The following SYDE2 variants were observed in gnomAD, a reference collection of about 807,000 sequenced individuals.
SYDE2 encodes rho GTPase-activating protein SYDE2.
A neutral mutation model predicts 91.5 loss-of-function variants in SYDE2; 76 were observed. The ratio of observed to expected loss-of-function variants is 0.83; its 90% CI spans 0.69 to 1.01. The LOEUF (loss-of-function observed/expected upper bound fraction) is 1.01, where lower values mean the gene tolerates loss of function less well. Among genes scored for constraint, SYDE2 ranks in the 50% least tolerant of loss-of-function variants. The pLI is 0.00. For synonymous variants in SYDE2, 513 were observed against 506.4 expected (o/e 1.01, Z -0.18); for missense variants, 1,364 against 1,367.7 (o/e 1.00, Z 0.04).
In SYDE2 at chr1:85,168,925, G is replaced by C. The variant is rs1471413339; in HGVS notation, c.2853+119C>G. 8 of 872,950 alleles carry C rather than the reference G, an allele frequency of 9.2e-6. No individual in the cohort carries two copies. The Admixed American group carries it at 2.0e-4, about 22-fold the overall frequency. 54.1% of individuals were successfully genotyped at this position (872,950 alleles called of 1,614,324 possible). A position where few individuals can be genotyped will look rare whatever the true frequency, so the allele number is the denominator to read the frequency against. ...AGGCTGTTTAAAGGCAGTAATGGCA[G>C]AGCTTTTAAATCCATGAGTGCCACA... On this transcript the variant is annotated intron_variant, in intron 5 of 6. Coordinates refer to ENST00000341460, the MANE Select transcript of SYDE2 (RefSeq NM_032184.2).
intron 2 of SYDE2, among the ~76,000 whole-genome samples, chr1:85,189,162 T>G (rs543565813): frequency 6.6e-6 from 1 of 152,340 alleles, no homozygotes; most frequent in Non-Finnish European, 1.5e-5. Context: ...AATTATTTCA[T>G]TTTTAGGTTC....
At chr1:85,155,490 TA>T (rs374745850), downstream of SYDE2, among the ~76,000 whole-genome samples, 1 of 151,510 alleles carries the variant, frequency 6.6e-6, no homozygotes, top group Non-Finnish European at 1.5e-5. Context: ...AGATTTTTTT[TA>T]AAAAAAAAGA....
intron 1 of SYDE2, among the ~76,000 whole-genome samples, chr1:85,199,930 C>G (rs1658746118): frequency 6.6e-6 from 1 of 152,006 alleles, no homozygotes; most frequent in Non-Finnish European, 1.5e-5. Context: ...CATCTGTAAA[C>G]CTACTAAAAG....
At chr1:85,152,654 T>TA (rs984523982), downstream of SYDE2, 9 of 152,214 alleles carry the variant, frequency 5.9e-5, no homozygotes, top group Non-Finnish European at 1.3e-4. Context: ...GCTTCTATGT[T>TA]ATAGTCCCTA....
Position 85,183,183 on chromosome 1 carries a change from C to G in SYDE2, c.1459G>C (p.Ala487Pro). Residue 487 changes from alanine to proline, a missense_variant, in exon 3 of 7, where the codon GCT becomes CCT. Ala to Pro is a conservative substitution (Grantham distance 27, BLOSUM62 -1). Transcript: ENST00000341460. ...SPFAGSGILA[A>P]TNSTELGIME... ...ATTCCCAATTCAGTACTATTTGTAG[C>G]AGCCAGGATCCCAGAACCTTAAAAG... is the stretch of plus-strand genomic sequence containing the variant. The G allele has an allele frequency of 6.4e-7, 1 of 1,564,924 alleles. No individual in the cohort carries two copies.
At chr1:85,175,320 T>G (rs1657655408) in intron 4 of SYDE2, among the ~76,000 whole-genome samples, 1 of 152,250 alleles carries the variant, frequency 6.6e-6, no homozygotes, top group Middle Eastern at 3.4e-3. Flanking sequence ...GGCAACACGG[T>G]GAAACCCTGT....
downstream of SYDE2, among the ~76,000 whole-genome samples, chr1:85,155,490 T>TAAA (rs374745850): frequency 1.3e-4 from 20 of 151,512 alleles, no homozygotes; most frequent in Non-Finnish European, 2.5e-4. Flanking sequence ...AGATTTTTTT[T>TAAA]AAAAAAAAAG....
At chr1:85,160,983 T>C (rs1164754704) in intron 6 of SYDE2, 2 of 981,506 alleles carry the variant, frequency 2.0e-6, no homozygotes. Context: ...AAAATTTCAA[T>C]TTCTGAAAAA....
rs1169454072 is a variant in SYDE2, at chr1:85,190,610, C to G, written c.888G>C (p.Leu296=). The G allele has an allele frequency of 6.2e-7, 1 of 1,613,934 alleles. No homozygotes were observed. The highest frequency in any genetic ancestry group is 1.1e-5 in the South Asian group (1 of 91,086). Residue 296 remains leucine (L), a synonymous_variant, in exon 2 of 7, where the codon CTG becomes CTC. Coordinates refer to ENST00000341460, the MANE Select transcript of SYDE2 (RefSeq NM_032184.2). ...KKRNWLYQST[L]RPLNLEEENK... ...TTTCTTCTTCCAGATTAAGAGGCCT[C>G]AGAGTACTCTGATATAGCCAATTGC...
chr1:85,191,644 G>T (rs1381217154), intron 1 of SYDE2, among the ~76,000 whole-genome samples: 1 of 151,834 alleles, frequency 6.6e-6, no homozygotes, highest in East Asian at 1.9e-4. Flanking sequence ...TGCAGTCCCA[G>T]CTATTCAGGA....
At chr1:85,167,719 T>TA (rs1657343381) in intron 5 of SYDE2, among the ~76,000 whole-genome samples, 1 of 152,256 alleles carries the variant, frequency 6.6e-6, no homozygotes, top group Non-Finnish European at 1.5e-5. Context: ...CAGAAAGACT[T>TA]ATAGTGTGAT....
chr1:85,155,787 G>A (rs982462250), downstream of SYDE2, among the ~76,000 whole-genome samples: 2 of 152,204 alleles, frequency 1.3e-5, no homozygotes, highest in African/African-American at 4.8e-5. Context: ...ACAGTATACA[G>A]TATATACAAT....
chr1:85,166,762 C>T (rs755734788), intron 5 of SYDE2, among the ~76,000 whole-genome samples: 27 of 152,086 alleles, frequency 1.8e-4, no homozygotes, highest in Admixed American at 3.9e-4. Flanking sequence ...AAGGGTATTT[C>T]CAGCAATAAT....
At chr1:85,197,436 GAAT>G (rs1403766705) in intron 1 of SYDE2, among the ~76,000 whole-genome samples, 2 of 151,934 alleles carry the variant, frequency 1.3e-5, no homozygotes, top group Non-Finnish European at 2.9e-5. Context: ...AATATCTTAT[GAAT>G]AATACTGTAC....
At chr1:85,163,716 T>C (rs1376641402) in intron 6 of SYDE2, among the ~76,000 whole-genome samples, 1 of 151,874 alleles carries the variant, frequency 6.6e-6, no homozygotes, top group African/African-American at 2.4e-5. Flanking sequence ...CGGTTACTAG[T>C]GTGCTCTACA....
chr1:85,182,686 A>G lies in SYDE2; in HGVS notation c.1956T>C (p.Ser652=), dbSNP rs1657979162. Reference sequence around the variant, plus strand: ...CAATGTCTATTTCATTCTTGCTACAACTATTTGAAATTATTTCTTTTCCTT... The same window carrying G: ...CAATGTCTATTTCATTCTTGCTACAGCTATTTGAAATTATTTCTTTTCCTT... ...FGKGKEIISN[S]CSKNEIDIDA... The change falls in exon 3 of 7, where the codon AGT becomes AGC. Residue 652 remains serine, a synonymous_variant. Coordinates refer to ENST00000341460, the MANE Select transcript of SYDE2 (RefSeq NM_032184.2). The G allele has an allele frequency of 6.2e-7, 1 of 1,613,630 alleles. No individual in the cohort carries two copies. Among genetic ancestry groups the G allele is most frequent in the South Asian group, 1.1e-5 (1 of 91,042 alleles).
rs2100639853 is a variant in SYDE2 at position 85,158,396 on chromosome 1, G to A, written c.*354C>T. ...TGTCTCAAAAAACAACAAAAAAAAGGACATCTGTCTCAGCTACAGAAGAGT... is the reference window on the plus strand; with the variant it reads ...TGTCTCAAAAAACAACAAAAAAAAGAACATCTGTCTCAGCTACAGAAGAGT... On this transcript the variant is annotated 3_prime_UTR_variant, in exon 7 of 7. Coordinates refer to ENST00000341460, the MANE Select transcript of SYDE2 (RefSeq NM_032184.2). 5.7e-6 allele frequency: 1 copy of A among 176,062 alleles called. No individual in the cohort carries two copies. The highest frequency in any genetic ancestry group is 2.4e-5 in the African/African-American group (1 of 42,040). The allele number at this position is 176,062 out of a possible 1,614,324, so 10.9% of individuals were successfully genotyped here. A position where few individuals can be genotyped will look rare whatever the true frequency, so the allele number is the denominator to read the frequency against.
chr1:85,161,166 CA>C (rs1444476009), intron 6 of SYDE2: 2 of 948,098 alleles, frequency 2.1e-6, no homozygotes, highest in African/African-American at 3.5e-5. Context: ...AAAAAGAATT[CA>C]AAATGTAATA....
At position 85,159,951 on chromosome 1, in the gene SYDE2, T is replaced by A. The variant is rs959252157; in HGVS notation, c.3086-702A>T. On this transcript the variant is annotated intron_variant, in intron 6 of 6. Transcript: ENST00000341460. ...ATAACATTTTCCACATTAAGACTAG[T>A]TTATTCTGAGAGTATGCATTGTGCT... 6 of 984,726 alleles carry A rather than the reference T, an allele frequency of 6.1e-6. No individual in the cohort carries two copies. In the African/African-American group the frequency reaches 8.7e-5, roughly 14 times the overall value. The allele number at this position is 984,726 out of a possible 1,614,324, so 61.0% of individuals were successfully genotyped here.
Sources: gnomAD v4.1 joint callset for allele counts (sites outside exome capture counted in the v4.1 genomes callset) on GRCh38, gnomAD v4.1.1 for gene constraint, MANE v1.5 for transcripts, NCBI Gene and HGNC (gene_info 2026-07-23, HGNC 2026-07-21) for gene names.